Variants in VPS33A observed in about 807,000 individuals in gnomAD.
The protein encoded by VPS33A is vacuolar protein sorting-associated protein 33A.
Under a neutral mutation model 71.8 loss-of-function variants are expected in VPS33A, and 32 were observed. That is an observed-to-expected ratio of 0.45 (90% CI 0.34 to 0.60). VPS33A has a LOEUF of 0.60. Ranked by LOEUF, VPS33A falls within the 20% of genes least tolerant of loss-of-function variation. The pLI, the probability that VPS33A is intolerant of heterozygous loss-of-function variation, is 0.02. For missense variants in VPS33A, 625 were observed against 748.5 expected, an observed-to-expected ratio of 0.84 and a Z score of 1.92; for synonymous variants, 311 against 292.7, an observed-to-expected ratio of 1.06 and a Z score of -0.64.
At chr12:122,236,562 C>T (rs1328979671) in intron 10 of VPS33A, among the ~76,000 whole-genome samples, 1 of 152,208 alleles carries the variant, frequency 6.6e-6, no homozygotes, top group Non-Finnish European at 1.5e-5. Context: ...ATCGCTTGAA[C>T]CCAGGAGGTT....
At chr12:122,266,072 C>T (rs957515781) in intron 1 of VPS33A, among the ~76,000 whole-genome samples, 4 of 152,232 alleles carry the variant, frequency 2.6e-5, no homozygotes, top group African/African-American at 4.8e-5. Context: ...ATCACAGTGG[C>T]TTACTCTGCT....
In VPS33A at chr12:122,266,493, A is replaced by C. The variant is rs993561906; in HGVS notation, c.-85T>G. On this transcript the variant is annotated 5_prime_UTR_variant, in exon 1 of 13. Transcript: ENST00000267199. ...ACCACGGACGCAGTCACGTGACCAA[A>C]CGTCCACGTGACCGGTACGGCAGCG... 1.3e-6 allele frequency: 2 copies of C among 1,538,528 alleles called. No individual in the cohort carries two copies. The highest frequency in any genetic ancestry group is 2.7e-5 in the African/African-American group (2 of 72,784).
intron 8 of VPS33A, 101 bp from the exon 9 acceptor site, chr12:122,240,046 G>T: frequency 1.1e-6 from 1 of 883,316 alleles, no homozygotes; most frequent in Non-Finnish European, 1.8e-6. Flanking sequence ...CTAGACATGT[G>T]GCTGGGCACG....
At chr12:122,243,491 A>T in intron 7 of VPS33A, among the ~76,000 whole-genome samples, 1 of 152,156 alleles carries the variant, frequency 6.6e-6, no homozygotes, top group East Asian at 1.9e-4. Context: ...CTCCTGCCTC[A>T]GCCTCCGACA....
At chr12:122,256,778 G>A (rs1954924418) in intron 4 of VPS33A, among the ~76,000 whole-genome samples, 1 of 152,140 alleles carries the variant, frequency 6.6e-6, no homozygotes, top group Non-Finnish European at 1.5e-5. Flanking sequence ...GTGCAGAGGG[G>A]CCTACAAACA....
rs1387199546 is a variant in VPS33A at position 122,261,408 on chromosome 12, C to A, written c.336G>T (p.Leu112=). The change falls in exon 4 of 13, where the codon CTG becomes CTT. Residue 112 remains leucine (L), a synonymous_variant. Transcript: ENST00000267199. ...RRGPTRDFHI[L]FVPRRSLLCE... ...ACAACAGGCTACGGCGTGGCACAAA[C>A]AGAATATGAAAATCTCTCGTTGGGC... 1 of 1,613,786 alleles carries A rather than the reference C, an allele frequency of 6.2e-7. No individual in the cohort carries two copies. The highest frequency in any genetic ancestry group is 1.1e-5 in the South Asian group (1 of 91,014).
At chr12:122,239,995 C>G in intron 8 of VPS33A, 50 bp from the exon 9 acceptor site, 1 of 1,370,710 alleles carries the variant, frequency 7.3e-7, no homozygotes, top group Non-Finnish European at 1.0e-6. Context: ...TGTTAATTTA[C>G]TTGAGTGGCA....
Position 122,249,962 on chromosome 12 carries a change from C to A in VPS33A, c.684G>T (p.Leu228Phe), listed in dbSNP as rs904402380. The change falls in exon 6 of 13, where the codon TTG becomes TTT. Residue 228 changes from leucine to phenylalanine, a missense_variant. Coordinates refer to ENST00000267199, the MANE Select transcript of VPS33A (RefSeq NM_022916.6). ...ATAAATCCACATTCCGATCAAGCAA[C>A]AAGAGATTATCAAAAACAGGAAATA... ...NSIFPVFDNL[L>F]LLDRNVDLLT... is the part of the protein sequence containing the mutation. 3.1e-6 allele frequency: 5 copies of A among 1,614,106 alleles called. No individual in the cohort carries two copies. The highest frequency in any genetic ancestry group is 4.2e-6 in the Non-Finnish European group (5 of 1,180,010).
chr12:122,258,274 C>A (rs1219337498), intron 4 of VPS33A, among the ~76,000 whole-genome samples: 1 of 151,950 alleles, frequency 6.6e-6, no homozygotes, highest in Non-Finnish European at 1.5e-5. Flanking sequence ...CAGAGTGAAT[C>A]TTTGTGATCC....
intron 3 of VPS33A, among the ~76,000 whole-genome samples, chr12:122,262,917 C>T (rs1955016306): frequency 6.6e-6 from 1 of 151,678 alleles, no homozygotes. Flanking sequence ...GTGAAATAAG[C>T]ACATCACGGA....
At position 122,232,145 on chromosome 12, in the gene VPS33A, G is replaced by T; in HGVS notation, c.*101C>A. ...AGAAGCTGACCCCAGAATATATTCT[G>T]TATTCCCATGTTTCTTCTATGGGGT... is the stretch of plus-strand genomic sequence containing the variant. On this transcript the variant is annotated 3_prime_UTR_variant, in exon 13 of 13. Coordinates refer to ENST00000267199, the MANE Select transcript of VPS33A (RefSeq NM_022916.6). The T allele has an allele frequency of 9.0e-7, 1 of 1,113,182 alleles. No homozygotes were observed. The highest frequency in any genetic ancestry group is 1.6e-5 in the African/African-American group (1 of 63,330). 69.0% of individuals were successfully genotyped at this position (1,113,182 alleles called of 1,614,324 possible).
At chr12:122,245,196 G>A (rs897598446) in intron 6 of VPS33A, among the ~76,000 whole-genome samples, 1 of 152,118 alleles carries the variant, frequency 6.6e-6, no homozygotes, top group Middle Eastern at 3.4e-3. Flanking sequence ...ACCAAAAACA[G>A]CACAGAGTAG....
At chr12:122,242,021 C>T (rs1303654393) in intron 8 of VPS33A, among the ~76,000 whole-genome samples, 3 of 152,166 alleles carry the variant, frequency 2.0e-5, no homozygotes, top group Non-Finnish European at 2.9e-5. Context: ...AATTCTCCTG[C>T]CTCAGCCTCC....
At chr12:122,246,702 C>T (rs927221337) in intron 6 of VPS33A, among the ~76,000 whole-genome samples, 4 of 152,064 alleles carry the variant, frequency 2.6e-5, no homozygotes, top group African/African-American at 9.7e-5. Context: ...CAGGTTCAAG[C>T]AATTCTCCTG....
chr12:122,235,697 G>C (rs1954620785), intron 11 of VPS33A, 89 bp downstream of exon 11: 2 of 1,458,058 alleles, frequency 1.4e-6, no homozygotes, highest in Non-Finnish European at 1.8e-6. Flanking sequence ...CAGAAAGCAA[G>C]GCAGATGTGT....
intron 12 of VPS33A, 70 bp from the exon 13 acceptor site, chr12:122,232,497 T>C: frequency 2.8e-6 from 4 of 1,424,630 alleles, no homozygotes; most frequent in Non-Finnish European, 3.8e-6. Flanking sequence ...TCTTCAAACA[T>C]TTTATCATTC....
Position 122,240,432 on chromosome 12 carries a change from G to A in VPS33A, c.1097-487C>T, listed in dbSNP as rs1487132803. Among the ~76,000 whole-genome samples the A allele has an allele frequency of 2.0e-5, 3 of 152,098 alleles. No homozygotes were observed. In the East Asian group the frequency reaches 5.8e-4, roughly 29 times the overall value. ...GAAACATGGAAAACGCTAGGCCTCT[G>A]CACTCCTAAGTTACACTAGATACAG... On this transcript the variant is annotated intron_variant, in intron 8 of 12. Coordinates refer to ENST00000267199, the MANE Select transcript of VPS33A (RefSeq NM_022916.6).
intron 6 of VPS33A, among the ~76,000 whole-genome samples, chr12:122,246,778 A>G (rs1048266763): frequency 2.0e-5 from 3 of 148,190 alleles, no homozygotes; most frequent in Non-Finnish European, 3.0e-5. Context: ...TTTTTTTTGT[A>G]TTTAGTAGAA....
chr12:122,264,869 T>A (rs536441406), intron 1 of VPS33A: 2 of 152,082 alleles, frequency 1.3e-5, no homozygotes, highest in East Asian at 3.9e-4. Context: ...AATTGAGCCA[T>A]ATGGAAATTG....
Sources: gnomAD v4.1 joint callset for allele counts (sites outside exome capture counted in the v4.1 genomes callset) on GRCh38, gnomAD v4.1.1 for gene constraint, MANE v1.5 for transcripts, NCBI Gene and HGNC (gene_info 2026-07-23, HGNC 2026-07-21) for gene names.